WHAMM: variants seen among roughly 807,000 people sequenced by gnomAD.
WHAMM encodes WASP homolog associated with actin, golgi membranes and microtubules.
WHAMM carries 67 observed loss-of-function variants against 76.5 expected under a neutral mutation model. The ratio of observed to expected loss-of-function variants is 0.88; its 90% CI spans 0.72 to 1.07. The LOEUF (loss-of-function observed/expected upper bound fraction) is 1.07. Ranked by LOEUF, WHAMM falls within the 50% of genes least tolerant of loss-of-function variation. The pLI is 0.00. For synonymous variants in WHAMM, 419 were observed against 422.1 expected (o/e 0.99, Z 0.09); for missense variants, 1,021 against 1,051.1 (o/e 0.97, Z 0.40).
intron 6 of WHAMM, among the ~76,000 whole-genome samples, chr15:82,825,124 C>G (rs2050908670): frequency 6.6e-6 from 1 of 151,998 alleles, no homozygotes; most frequent in Admixed American, 6.6e-5. Context: ...GACCCTGTCT[C>G]TAATAAAAAA....
intron 3 of WHAMM, among the ~76,000 whole-genome samples, chr15:82,817,701 A>G (rs558839596): frequency 1.3e-5 from 2 of 152,344 alleles, no homozygotes; most frequent in South Asian, 4.2e-4. Context: ...TGCCTCAACT[A>G]GGTGAGATCA....
At chr15:82,830,043 T>G (rs8041231) in intron 8 of WHAMM, among the ~76,000 whole-genome samples, 75,581 of 151,958 alleles carry the variant, frequency 0.5, 18,839 homozygotes, top group East Asian at 0.53. Flanking sequence ...TGTTATAGCT[T>G]CCACTTGGAT....
rs1359358026 is a variant in WHAMM, at chr15:82,809,737, A to G, written c.11A>G (p.Glu4Gly). The G allele has an allele frequency of 1.3e-6, 2 of 1,530,886 alleles. No homozygotes were observed. Among genetic ancestry groups the G allele is most frequent in the Non-Finnish European group, 1.8e-6 (2 of 1,139,312 alleles). 94.8% of individuals were successfully genotyped at this position (1,530,886 alleles called of 1,614,324 possible). A position where few individuals can be genotyped will look rare whatever the true frequency, so the allele number is the denominator to read the frequency against. Residue 4 changes from glutamate to glycine, a missense_variant, in exon 1 of 10, where the codon GAG becomes GGG. By Grantham distance (98) the Glu-to-Gly change is moderately conservative (BLOSUM62 -2). Transcript: ENST00000286760. MEDEQPDSLEGWVP... is the reference protein window; with the variant it reads MEDGQPDSLEGWVP... ...CTGCTGCCGACAGCCATGGAGGACG[A>G]GCAGCCTGACAGCCTGGAGGGCTGG... is the stretch of plus-strand genomic sequence containing the variant.
chr15:82,824,816 G>A (rs2050902374), intron 6 of WHAMM, among the ~76,000 whole-genome samples: 1 of 152,076 alleles, frequency 6.6e-6, no homozygotes, highest in Non-Finnish European at 1.5e-5. Context: ...TGTGACTTTT[G>A]TAGCTTATAA....
chr15:82,836,089 A>G lies in WHAMM; in HGVS notation c.*2553A>G, dbSNP rs1047687346. On this transcript the variant is annotated 3_prime_UTR_variant, in exon 10 of 10. Transcript: ENST00000286760. ...ATCCTTTTCAAAAGAACGTTCTCACAATAAAAATTCCTGGCCCAATTGTGT... is the reference window on the plus strand; with the variant it reads ...ATCCTTTTCAAAAGAACGTTCTCACGATAAAAATTCCTGGCCCAATTGTGT... 3 of 152,224 alleles carry G rather than the reference A, an allele frequency of 2.0e-5. No homozygotes were observed. The highest frequency in any genetic ancestry group is 4.4e-5 in the Non-Finnish European group (3 of 68,030). The allele number at this position is 152,224 out of a possible 1,614,324, so 9.4% of individuals were successfully genotyped here.
chr15:82,814,170 C>T (rs1428782667), intron 2 of WHAMM, among the ~76,000 whole-genome samples: 2 of 152,246 alleles, frequency 1.3e-5, no homozygotes, highest in East Asian at 3.9e-4. Context: ...CATGCTTATT[C>T]CAGTGTTACA....
intron 7 of WHAMM, 121 bp from the exon 8 acceptor site, chr15:82,826,630 G>A (rs933966733): frequency 1.7e-5 from 26 of 1,566,726 alleles, no homozygotes; most frequent in South Asian, 1.6e-4. Flanking sequence ...CAGCCTGGGC[G>A]CAGCCTTGGG....
chr15:82,823,649 T>C (rs1435674077), intron 6 of WHAMM, among the ~76,000 whole-genome samples: 1 of 152,180 alleles, frequency 6.6e-6, no homozygotes, highest in African/African-American at 2.4e-5. Flanking sequence ...CACTGCAACT[T>C]CTGCCTCCTA....
chr15:82,832,530 T>G (rs911522913), intron 9 of WHAMM, among the ~76,000 whole-genome samples: 41 of 152,316 alleles, frequency 2.7e-4, no homozygotes, highest in African/African-American at 9.9e-4. Flanking sequence ...GCCTTGAAGC[T>G]CTGATCTAAT....
chr15:82,828,916 C>T (rs1487169514), intron 8 of WHAMM, among the ~76,000 whole-genome samples: 1 of 152,120 alleles, frequency 6.6e-6, no homozygotes, highest in Non-Finnish European at 1.5e-5. Context: ...GACGAAAGCT[C>T]ATGGGCTTTT....
intron 8 of WHAMM, among the ~76,000 whole-genome samples, chr15:82,828,203 C>T (rs908380681): frequency 6.6e-6 from 1 of 152,160 alleles, no homozygotes; most frequent in Non-Finnish European, 1.5e-5. Flanking sequence ...GTTTCATCAC[C>T]ACTTTACAAA....
intron 8 of WHAMM, among the ~76,000 whole-genome samples, chr15:82,828,456 G>A (rs1461051599): frequency 6.6e-6 from 1 of 152,162 alleles, no homozygotes. Flanking sequence ...TGAAGGAGCT[G>A]CATGAATACC....
At position 82,809,866 on chromosome 15, in the gene WHAMM, A is replaced by C; in HGVS notation, c.140A>C (p.Asp47Ala). ...AEGKFAVTCH[D>A]RTAQQRRLRE... ...GGCAAGTTCGCTGTGACTTGTCACG[A>C]CCGTACCGCGCAGCAGCGGCGGCTG... Residue 47 changes from aspartate (D) to alanine (A), a missense_variant, in exon 1 of 10, where the codon GAC becomes GCC. Coordinates refer to ENST00000286760, the MANE Select transcript of WHAMM (RefSeq NM_001080435.3). 1 of 1,588,184 alleles carries C rather than the reference A, an allele frequency of 6.3e-7. No homozygotes were observed. The highest frequency in any genetic ancestry group is 8.6e-7 in the Non-Finnish European group (1 of 1,167,216).
At position 82,810,135 on chromosome 15, in the gene WHAMM, C is replaced by T. The variant is rs1278787020; in HGVS notation, c.409C>T (p.Pro137Ser). 5.9e-6 allele frequency: 8 copies of T among 1,362,470 alleles called. No individual in the cohort carries two copies. The highest frequency in any genetic ancestry group is 5.6e-5 in the Admixed American group (2 of 35,802). The allele number at this position is 1,362,470 out of a possible 1,614,324, so 84.4% of individuals were successfully genotyped here. Reference sequence around the variant, plus strand: ...GCTGCTGTGGCCGACGCGCGCGGGTCCCGGCGAGGCGGCGCTGCAGGAGCT... The same window carrying T: ...GCTGCTGTGGCCGACGCGCGCGGGTTCCGGCGAGGCGGCGCTGCAGGAGCT... Reference protein sequence around the residue: ...WALLWPTRAGPGEAALQELCG... With the variant: ...WALLWPTRAGSGEAALQELCG... The change falls in exon 1 of 10, where the codon CCC (proline) becomes TCC (serine). Residue 137 changes from proline to serine, a missense_variant. Physicochemically the swap from Pro to Ser is moderately conservative, Grantham distance 74. Transcript: ENST00000286760.
chr15:82,833,244 T>C lies in WHAMM; in HGVS notation c.2138T>C (p.Val713Ala), dbSNP rs1359217029. The C allele has an allele frequency of 6.2e-7, 1 of 1,613,698 alleles. No individual in the cohort carries two copies. The highest frequency in any genetic ancestry group is 1.3e-5 in the African/African-American group (1 of 74,950). Residue 713 changes from valine to alanine, a missense_variant, in exon 10 of 10, where the codon GTG becomes GCG. By Grantham distance (64) the Val-to-Ala change is moderately conservative (BLOSUM62 0). Coordinates refer to ENST00000286760, the MANE Select transcript of WHAMM (RefSeq NM_001080435.3). ...TCAATTTCAGGATCTATGGATGAAG[T>C]GTTGGCCTCCTTAAGGCATGGCAGA... ...SFSCPGSMDEVLASLRHGRAP... is the reference protein window; with the variant it reads ...SFSCPGSMDEALASLRHGRAP...
intron 4 of WHAMM, among the ~76,000 whole-genome samples, chr15:82,818,838 C>T (rs1389179239): frequency 2.0e-5 from 3 of 152,178 alleles, no homozygotes; most frequent in Admixed American, 6.5e-5. Flanking sequence ...CGGTGAGGAT[C>T]CTCTTCCTGT....
intron 6 of WHAMM, among the ~76,000 whole-genome samples, chr15:82,824,875 C>T (rs753891284): frequency 4.6e-5 from 7 of 152,192 alleles, no homozygotes; most frequent in Admixed American, 2.6e-4. Context: ...AGAAAAACTT[C>T]GCTAGGTGCC....
intron 5 of WHAMM, among the ~76,000 whole-genome samples, chr15:82,820,563 G>C (rs1368022961): frequency 1.3e-5 from 2 of 152,056 alleles, no homozygotes; most frequent in Non-Finnish European, 2.9e-5. Flanking sequence ...TAAATTTCAT[G>C]CTACATAATG....
At chr15:82,817,713 GACTT>G (rs1438973396) in intron 3 of WHAMM, among the ~76,000 whole-genome samples, 3 of 152,130 alleles carry the variant, frequency 2.0e-5, no homozygotes, top group African/African-American at 7.2e-5. Flanking sequence ...GTGAGATCAT[GACTT>G]ACTGTCTTTT....
Sources: allele counts gnomAD v4.1 joint callset (sites outside exome capture counted in the v4.1 genomes callset), GRCh38; gene constraint gnomAD v4.1.1; transcripts MANE v1.5; gene names NCBI Gene and HGNC (gene_info 2026-07-23, HGNC 2026-07-21).